The following EPHA4 variants were observed in gnomAD, a reference collection of about 807,000 sequenced individuals.
EPHA4 encodes the protein EPH receptor A4, also known as ephrin type-A receptor 4.
A neutral mutation model predicts 108.3 loss-of-function variants in EPHA4; 19 were observed. That is an observed-to-expected ratio of 0.18 (90% CI 0.12 to 0.26). The LOEUF is 0.26. Ranked by LOEUF, EPHA4 falls within the 10% of genes least tolerant of loss-of-function variation. The pLI is 1.00. For missense variants in EPHA4, 917 were observed against 1,254.0 expected, an observed-to-expected ratio of 0.73 and a Z score of 4.06; for synonymous variants, 449 against 455.5, an observed-to-expected ratio of 0.99 and a Z score of 0.18.
At chr2:221,477,003 A>G (rs1691672324) in intron 5 of EPHA4, among the ~76,000 whole-genome samples, 1 of 152,074 alleles carries the variant, frequency 6.6e-6, no homozygotes, top group Admixed American at 6.6e-5. Context: ...CAATGACTAC[A>G]TGTGGCACAG....
chr2:221,444,648 G>C (rs16862669), intron 9 of EPHA4, among the ~76,000 whole-genome samples: 52,696 of 150,210 alleles, frequency 0.35, 10,914 homozygotes, highest in African/African-American at 0.59. Flanking sequence ...ATGGAAAGTT[G>C]TTAGACACTT....
In EPHA4 at chr2:221,488,990, G is replaced by A. The variant is rs1044309676; in HGVS notation, c.980-6300C>T. 2.0e-5 allele frequency among the ~76,000 whole-genome samples: 3 copies of A among 152,182 alleles called. No individual in the cohort carries two copies. The South Asian group carries it at 6.2e-4, about 32-fold the overall frequency. On this transcript the variant is annotated intron_variant, in intron 4 of 17. Coordinates refer to ENST00000281821, the MANE Select transcript of EPHA4 (RefSeq NM_004438.5). The stretch of plus-strand genomic sequence containing the variant: ...TCAAGATTTAAAGTAGCCCCTTTAG[G>A]ACAAGCCAGTATTTACATATCCACA...
intron 4 of EPHA4, among the ~76,000 whole-genome samples, chr2:221,498,416 G>A (rs190254329): frequency 9.9e-4 from 151 of 152,300 alleles, no homozygotes; most frequent in African/African-American, 3.3e-3. Context: ...GGTAGCAGGT[G>A]TGGATAAAGA....
At chr2:221,459,169 C>A (rs1691060761) in intron 5 of EPHA4, among the ~76,000 whole-genome samples, 1 of 152,054 alleles carries the variant, frequency 6.6e-6, no homozygotes, top group African/African-American at 2.4e-5. Flanking sequence ...GCAGGGAAGC[C>A]AAGCAGACAC....
At chr2:221,496,816 G>A (rs1692310430) in intron 4 of EPHA4, among the ~76,000 whole-genome samples, 1 of 152,152 alleles carries the variant, frequency 6.6e-6, no homozygotes, top group Non-Finnish European at 1.5e-5. Context: ...GGCTGAGGCA[G>A]GAGAATCACT....
At chr2:221,499,756 ATTTTTTTT>A (rs575017779) in intron 4 of EPHA4, among the ~76,000 whole-genome samples, 118 of 26,208 alleles carry the variant, frequency 4.5e-3, no homozygotes, top group African/African-American at 0.018. Context: ...ATATATATAT[ATTTTTTTT>A]TTTTTTTTTT....
At chr2:221,477,892 C>T (rs1691704652) in intron 5 of EPHA4, among the ~76,000 whole-genome samples, 1 of 152,094 alleles carries the variant, frequency 6.6e-6, no homozygotes, top group African/African-American at 2.4e-5. Context: ...TATTTTAACT[C>T]CTCCAAACTA....
chr2:221,559,251 T>C (rs889487199), intron 3 of EPHA4, among the ~76,000 whole-genome samples: 3 of 152,248 alleles, frequency 2.0e-5, no homozygotes, highest in African/African-American at 7.2e-5. Flanking sequence ...AATTTTGTCA[T>C]AGTTGTAATC....
chr2:221,480,164 T>G (rs1691776964), intron 5 of EPHA4, among the ~76,000 whole-genome samples: 1 of 151,682 alleles, frequency 6.6e-6, no homozygotes, highest in Admixed American at 6.6e-5. Flanking sequence ...CATAACTTCT[T>G]GGCTCAAATC....
chr2:221,485,988 C>G (rs1360995620), intron 4 of EPHA4, among the ~76,000 whole-genome samples: 1 of 152,168 alleles, frequency 6.6e-6, no homozygotes, highest in Non-Finnish European at 1.5e-5. Flanking sequence ...AAAAACCTAA[C>G]TCCGATTATT....
At chr2:221,522,731 A>G (rs1356393755) in intron 3 of EPHA4, among the ~76,000 whole-genome samples, 1 of 149,070 alleles carries the variant, frequency 6.7e-6, no homozygotes. Context: ...ATAAAAATAA[A>G]ATCCTATTAT....
intron 3 of EPHA4, among the ~76,000 whole-genome samples, chr2:221,525,862 T>C (rs1487726496): frequency 6.6e-6 from 1 of 152,200 alleles, no homozygotes; most frequent in Non-Finnish European, 1.5e-5. Context: ...GGACTGTGTC[T>C]CCAGAGTGAT....
At chr2:221,498,406 G>C (rs1233635916) in intron 4 of EPHA4, among the ~76,000 whole-genome samples, 2 of 152,070 alleles carry the variant, frequency 1.3e-5, no homozygotes, top group Non-Finnish European at 2.9e-5. Flanking sequence ...GAAAATTGTT[G>C]GTAGCAGGTG....
chr2:221,535,500 ATCG>A (rs1693642516), intron 3 of EPHA4, among the ~76,000 whole-genome samples: 1 of 152,216 alleles, frequency 6.6e-6, no homozygotes, highest in Admixed American at 6.5e-5. Flanking sequence ...AATAAACATT[ATCG>A]TCTTTTGTCC....
At position 221,552,660 on chromosome 2, in the gene EPHA4, TA is replaced by T. The variant is rs562986012; in HGVS notation, c.823+11070del. 2.8e-3 allele frequency among the ~76,000 whole-genome samples: 423 copies of T among 152,348 alleles called. 2 individuals carry two copies. The highest frequency in any genetic ancestry group is 0.014 in the Middle Eastern group (4 of 294). On this transcript the variant is annotated intron_variant, in intron 3 of 17. Coordinates refer to ENST00000281821, the MANE Select transcript of EPHA4 (RefSeq NM_004438.5). ...TTTTTCAAAGTGGAGATGTCTTTTT[TA>T]AACACTTAAATCTGAAAACAAATGA...
intron 5 of EPHA4, among the ~76,000 whole-genome samples, chr2:221,459,029 G>A (rs1180532734): frequency 1.3e-5 from 2 of 152,146 alleles, no homozygotes; most frequent in Admixed American, 6.5e-5. Context: ...CTGCCCTTTT[G>A]CAATACATGC....
At chr2:221,478,592 C>T (rs886301460) in intron 5 of EPHA4, among the ~76,000 whole-genome samples, 4 of 152,130 alleles carry the variant, frequency 2.6e-5, no homozygotes, top group Non-Finnish European at 5.9e-5. Context: ...AAAGTAACAC[C>T]CCCACCCTTA....
chr2:221,540,001 C>A (rs1179424836), intron 3 of EPHA4, among the ~76,000 whole-genome samples: 1 of 152,156 alleles, frequency 6.6e-6, no homozygotes, highest in African/African-American at 2.4e-5. Flanking sequence ...CTCACTGCAA[C>A]CTTTGCCTCC....
chr2:221,467,835 A>T (rs1691357286), intron 5 of EPHA4, among the ~76,000 whole-genome samples: 1 of 152,198 alleles, frequency 6.6e-6, no homozygotes, highest in African/African-American at 2.4e-5. Flanking sequence ...TGACAAGGAT[A>T]GCTCAACACT....
Sources: gnomAD v4.1 joint callset for allele counts (sites outside exome capture counted in the v4.1 genomes callset) on GRCh38, gnomAD v4.1.1 for gene constraint, MANE v1.5 for transcripts, NCBI Gene and HGNC (gene_info 2026-07-23, HGNC 2026-07-21) for gene names.